TRPM3: variants seen among roughly 807,000 people sequenced by gnomAD.
TRPM3 encodes long transient receptor potential channel 3.
Under a neutral mutation model 181.2 loss-of-function variants are expected in TRPM3, and 77 were observed. That is an observed-to-expected ratio of 0.42 (90% CI 0.35 to 0.51). The LOEUF is 0.51. Ranked by LOEUF, TRPM3 falls within the 20% of genes least tolerant of loss-of-function variation. TRPM3 has a pLI of 0.01. For synonymous variants in TRPM3, 745 were observed against 796.4 expected, an observed-to-expected ratio of 0.94 and a Z score of 1.09; for missense variants, 1,759 against 2,196.7, an observed-to-expected ratio of 0.80 and a Z score of 3.98.
At chr9:71,290,132 A>T (rs759614019) in intron 1 of TRPM3, among the ~76,000 whole-genome samples, 1 of 152,018 alleles carries the variant, frequency 6.6e-6, no homozygotes, top group Non-Finnish European at 1.5e-5. Flanking sequence ...AATGAAAGAT[A>T]TATCTATTCA....
chr9:70,950,603 T>C (rs1177868951), intron 1 of TRPM3, among the ~76,000 whole-genome samples: 1 of 152,166 alleles, frequency 6.6e-6, no homozygotes, highest in Non-Finnish European at 1.5e-5. Context: ...GCACTGAGAA[T>C]GGCCACTCCA....
chr9:70,679,742 A>C (rs1405258868), intron 9 of TRPM3, among the ~76,000 whole-genome samples: 1 of 152,254 alleles, frequency 6.6e-6, no homozygotes, highest in African/African-American at 2.4e-5. Flanking sequence ...AAATGTATAC[A>C]TGGAATGCAT....
intron 1 of TRPM3, among the ~76,000 whole-genome samples, chr9:71,347,816 A>C (rs1265579191): frequency 6.6e-6 from 1 of 152,058 alleles, no homozygotes; most frequent in Non-Finnish European, 1.5e-5. Context: ...AAAATTTTAA[A>C]TTAAAACTTT....
chr9:70,924,993 T>G (rs1355411066), intron 1 of TRPM3, among the ~76,000 whole-genome samples: 2 of 152,174 alleles, frequency 1.3e-5, no homozygotes, highest in African/African-American at 4.8e-5. Context: ...CTCTTTCCAC[T>G]GAACCGTACA....
rs191841976 is a variant in TRPM3, at chr9:71,336,477, C to T, written c.183+110176G>A. ...AGGACACAAACAAATGGAAAAACAT[C>T]CCATGCTCATGGATAGAAGAATCAA... On this transcript the variant is annotated intron_variant, in intron 1 of 24. Transcript: ENST00000357533. Among the ~76,000 whole-genome samples, 394 of 152,142 alleles carry T rather than the reference C, an allele frequency of 2.6e-3. 4 individuals carry two copies. Among genetic ancestry groups the T allele is most frequent in the African/African-American group, 9.1e-3 (379 of 41,524 alleles).
intron 1 of TRPM3, among the ~76,000 whole-genome samples, chr9:70,871,065 A>G (rs970853173): frequency 6.6e-6 from 1 of 151,926 alleles, no homozygotes; most frequent in Non-Finnish European, 1.5e-5. Flanking sequence ...AGTGGGGAAG[A>G]TTTGGAAAAG....
chr9:70,812,188 G>A (rs1249761433), intron 6 of TRPM3, among the ~76,000 whole-genome samples: 1 of 152,198 alleles, frequency 6.6e-6, no homozygotes, highest in Non-Finnish European at 1.5e-5. Flanking sequence ...AAATCCTCAA[G>A]TTAGATCTCT....
intron 1 of TRPM3, among the ~76,000 whole-genome samples, chr9:71,236,880 C>A (rs1199713253): frequency 6.6e-6 from 1 of 151,950 alleles, no homozygotes; most frequent in Non-Finnish European, 1.5e-5. Flanking sequence ...AACACTGTCT[C>A]TACTAAAAAC....
intron 1 of TRPM3, among the ~76,000 whole-genome samples, chr9:71,425,040 C>A (rs1464251643): frequency 1.3e-5 from 2 of 152,116 alleles, no homozygotes; most frequent in African/African-American, 4.8e-5. Flanking sequence ...CCCTCTTAAT[C>A]ACTTTTTTCC....
At chr9:71,372,141 T>C (rs569250659) in intron 1 of TRPM3, among the ~76,000 whole-genome samples, 1 of 152,342 alleles carries the variant, frequency 6.6e-6, no homozygotes, top group African/African-American at 2.4e-5. Context: ...TCCATGTCCC[T>C]GCAAAGGACA....
chr9:71,280,873 T>C (rs1355798722), intron 1 of TRPM3, among the ~76,000 whole-genome samples: 3 of 152,236 alleles, frequency 2.0e-5, no homozygotes, highest in African/African-American at 4.8e-5. Flanking sequence ...CTGATCAATA[T>C]ATCTACATTC....
chr9:71,053,313 C>G (rs1045060396), intron 1 of TRPM3, among the ~76,000 whole-genome samples: 1 of 152,042 alleles, frequency 6.6e-6, no homozygotes, highest in Non-Finnish European at 1.5e-5. Flanking sequence ...ACCTGTGCAG[C>G]GCTAGTCATC....
At chr9:70,835,914 T>C (rs545907276) in intron 5 of TRPM3, among the ~76,000 whole-genome samples, 3 of 152,236 alleles carry the variant, frequency 2.0e-5, no homozygotes, top group Admixed American at 6.5e-5. Flanking sequence ...TCACCAGTTA[T>C]AGAACATTGG....
chr9:71,289,158 TGAGA>T lies in TRPM3; in HGVS notation c.183+157491_183+157494del, dbSNP rs369616489. Among the ~76,000 whole-genome samples the T allele has an allele frequency of 2.1e-3, 305 of 145,806 alleles. 4 individuals carry two copies. Among genetic ancestry groups the T allele is most frequent in the Non-Finnish European group, 9.1e-4 (60 of 65,686 alleles). ...CATCACAAAATATGTAACAAAACAGTGAGAGAGAGAGAGAGAGAGAGAGACAGCA... is the reference window on the plus strand; with the variant it reads ...CATCACAAAATATGTAACAAAACAGTGAGAGAGAGAGAGAGAGAGACAGCA... On this transcript the variant is annotated intron_variant, in intron 1 of 24. Coordinates refer to the TRPM3 transcript ENST00000357533.
intron 1 of TRPM3, among the ~76,000 whole-genome samples, chr9:71,045,717 T>G (rs1311591378): frequency 6.6e-6 from 1 of 152,162 alleles, no homozygotes; most frequent in Non-Finnish European, 1.5e-5. Flanking sequence ...AGATTTGTTT[T>G]CAAATTGTGA....
chr9:71,331,709 A>ACAAAGGAGGAGG (rs1565469975), intron 1 of TRPM3, among the ~76,000 whole-genome samples: 1 of 109,822 alleles, frequency 9.1e-6, no homozygotes, highest in African/African-American at 3.6e-5. Context: ...AAAGGAGGAG[A>ACAAAGGAGGAGG]AAAAGGAGGA....
chr9:71,218,753 C>T (rs746645516), intron 1 of TRPM3, among the ~76,000 whole-genome samples: 5 of 152,126 alleles, frequency 3.3e-5, no homozygotes, highest in African/African-American at 7.2e-5. Flanking sequence ...CTTTCATTTA[C>T]GTAAAATAAT....
chr9:70,681,407 T>C (rs2065402294), intron 9 of TRPM3, 99 bp downstream of exon 9: 1 of 969,896 alleles, frequency 1.0e-6, no homozygotes, highest in Non-Finnish European at 1.6e-6. Flanking sequence ...TATTGTGTCA[T>C]AGTATCATTT....
chr9:70,966,049 A>C (rs892891976), intron 1 of TRPM3, among the ~76,000 whole-genome samples: 10 of 151,524 alleles, frequency 6.6e-5, no homozygotes, highest in South Asian at 2.1e-4. Flanking sequence ...AAAAAAAAAA[A>C]CCACAAAGAA....
Sources: allele counts gnomAD v4.1 joint callset (sites outside exome capture counted in the v4.1 genomes callset), GRCh38; gene constraint gnomAD v4.1.1; transcripts MANE v1.5; gene names NCBI Gene and HGNC (gene_info 2026-07-23, HGNC 2026-07-21).